RTTN: variants seen among roughly 807,000 people sequenced by gnomAD.
The protein encoded by RTTN is rotatin.
RTTN carries 182 observed loss-of-function variants against 269.2 expected under a neutral mutation model. That is an observed-to-expected ratio of 0.68 (90% CI 0.60 to 0.76). RTTN has a LOEUF of 0.76. RTTN is among the 30% of genes least tolerant of loss of function. The pLI is 0.00. For synonymous variants in RTTN, 1,006 were observed against 963.5 expected, an observed-to-expected ratio of 1.04 and a Z score of -0.82; for missense variants, 2,545 against 2,608.6, an observed-to-expected ratio of 0.98 and a Z score of 0.53.
At chr18:70,062,110 T>C (rs1285640638) in intron 35 of RTTN, among the ~76,000 whole-genome samples, 3 of 152,224 alleles carry the variant, frequency 2.0e-5, no homozygotes, top group Non-Finnish European at 4.4e-5. Context: ...TTGCCAATAG[T>C]CTGAGGACTA....
At position 70,062,869 on chromosome 18, in the gene RTTN, G is replaced by A. The variant is rs546995589; in HGVS notation, c.4748-2827C>T. On this transcript the variant is annotated intron_variant, in intron 35 of 48. Coordinates refer to ENST00000640769, the MANE Select transcript of RTTN (RefSeq NM_173630.4). ...AAAAGTTCTAGGATTATTGGTGTGAGCTGCTGTGCCCAGCCCCCTCTTTCT... is the reference window on the plus strand; with the variant it reads ...AAAAGTTCTAGGATTATTGGTGTGAACTGCTGTGCCCAGCCCCCTCTTTCT... Among the ~76,000 whole-genome samples, 25 of 152,186 alleles carry A rather than the reference G, an allele frequency of 1.6e-4. 1 individual carries two copies. In the South Asian group the frequency reaches 5.2e-3, roughly 32 times the overall value.
At chr18:70,024,915 C>T (rs181680963) in intron 43 of RTTN, 67 bp from the exon 44 acceptor site, 312 of 1,547,744 alleles carry the variant, frequency 2.0e-4, no homozygotes, top group Middle Eastern at 1.4e-3. Context: ...AAAATCAAAA[C>T]AACAACAGAA....
intron 28 of RTTN, among the ~76,000 whole-genome samples, chr18:70,096,003 T>A (rs1035415622): frequency 3.5e-4 from 53 of 152,188 alleles, no homozygotes; most frequent in African/African-American, 1.1e-3. Context: ...CTTTTGTTTT[T>A]TTTTTTTCTC....
intron 14 of RTTN, among the ~76,000 whole-genome samples, chr18:70,165,222 G>T (rs1268405675): frequency 1.3e-5 from 2 of 151,862 alleles, no homozygotes; most frequent in East Asian, 3.8e-4. Context: ...CAGTTAAGGT[G>T]AATGAACTAG....
intron 44 of RTTN, among the ~76,000 whole-genome samples, chr18:70,023,708 A>G (rs540703823): frequency 1.2e-4 from 19 of 152,098 alleles, no homozygotes; most frequent in Admixed American, 2.6e-4. Context: ...CCACCATTAT[A>G]TCTCCATGAC....
chr18:70,165,538 A>G (rs1056522897), intron 14 of RTTN, among the ~76,000 whole-genome samples: 6 of 152,102 alleles, frequency 3.9e-5, no homozygotes, highest in African/African-American at 1.4e-4. Context: ...ACAAAAGGAC[A>G]CTTTCAAGAG....
intron 34 of RTTN, among the ~76,000 whole-genome samples, chr18:70,067,260 C>T (rs1338663920): frequency 2.0e-5 from 3 of 151,416 alleles, no homozygotes; most frequent in Admixed American, 6.6e-5. Flanking sequence ...CCCGGGTTCA[C>T]GCCATTCTCC....
chr18:70,200,739 G>T (rs780327043), intron 4 of RTTN, among the ~76,000 whole-genome samples: 8 of 152,204 alleles, frequency 5.3e-5, no homozygotes, highest in Admixed American at 6.5e-5. Context: ...GTGCAGGCAA[G>T]AAAATGGTAA....
intron 25 of RTTN, among the ~76,000 whole-genome samples, chr18:70,122,228 G>C (rs1322322329): frequency 6.6e-6 from 1 of 151,786 alleles, no homozygotes; most frequent in East Asian, 1.9e-4. Flanking sequence ...CAGAGCAAAA[G>C]GATATGAGCC....
At position 70,005,488 on chromosome 18, in the gene RTTN, T is replaced by C. The variant is rs138797734; in HGVS notation, c.6526-221A>G. On this transcript the variant is annotated intron_variant, in intron 47 of 48. Coordinates refer to ENST00000640769, the MANE Select transcript of RTTN (RefSeq NM_173630.4). Reference sequence around the variant, plus strand: ...CTCTTATCTAACTTGATTCTTTCTCTATTCCCATTTTCTTTCTTCCCTTCT... The same window carrying C: ...CTCTTATCTAACTTGATTCTTTCTCCATTCCCATTTTCTTTCTTCCCTTCT... 3,810 of 382,890 alleles carry C rather than the reference T, an allele frequency of 1.0e-2. 30 individuals carry two copies. The highest frequency in any genetic ancestry group is 0.014 in the Non-Finnish European group (2,961 of 216,128). The allele number at this position is 382,890 out of a possible 1,614,324, so 23.7% of individuals were successfully genotyped here.
At chr18:70,039,104 G>A (rs974769187) in intron 40 of RTTN, among the ~76,000 whole-genome samples, 5 of 151,974 alleles carry the variant, frequency 3.3e-5, no homozygotes, top group Non-Finnish European at 5.9e-5. Context: ...AAATAGCCTC[G>A]AAAGGGCAAA....
At chr18:70,021,260 G>A (rs1355551000) in intron 44 of RTTN, 1 of 153,108 alleles carries the variant, frequency 6.5e-6, no homozygotes, top group Non-Finnish European at 1.5e-5. Flanking sequence ...ACAAAGATAT[G>A]GAGCTCAGAA....
chr18:70,018,889 C>G (rs992476186), intron 45 of RTTN, among the ~76,000 whole-genome samples: 1 of 144,002 alleles, frequency 6.9e-6, no homozygotes, highest in Non-Finnish European at 1.5e-5. Context: ...ATTTCCTACA[C>G]CAGGTAGAAT....
Position 70,003,545 on chromosome 18 carries a change from C to T in RTTN, c.*606G>A, listed in dbSNP as rs1450337640. 6.6e-6 allele frequency: 1 copy of T among 152,190 alleles called. No individual in the cohort carries two copies. The highest frequency in any genetic ancestry group is 2.4e-5 in the African/African-American group (1 of 41,444). The allele number at this position is 152,190 out of a possible 1,614,324, so 9.4% of individuals were successfully genotyped here. On this transcript the variant is annotated 3_prime_UTR_variant, in exon 49 of 49. Transcript: ENST00000640769. ...CACTAAAACTTGCCTAAGAAAGCTA[C>T]TTACAAATCATGTACATTTACTTCC...
At position 70,140,160 on chromosome 18, in the gene RTTN, CT is replaced by C. The variant is rs760720861; in HGVS notation, c.2609del (p.Lys870SerfsTer4). 3 of 1,595,714 alleles carry C rather than the reference CT, an allele frequency of 1.9e-6. No individual in the cohort carries two copies. Among genetic ancestry groups the C allele is most frequent in the Non-Finnish European group, 2.6e-6 (3 of 1,164,496 alleles). On this transcript the variant is annotated frameshift_variant, in exon 20 of 49. Transcript: ENST00000640769. LOFTEE classifies it high-confidence loss of function. ...CAATTATTTTGTCAATTAAGCATAA[CT>C]TTTTCACCACAGCATGCATTTTAAT... ...QDIKMHAVVK[K>X]LCLIDKIIEY... is the part of the protein sequence containing the mutation.
At chr18:70,027,230 C>T (rs1568260996) in intron 43 of RTTN, among the ~76,000 whole-genome samples, 1 of 152,112 alleles carries the variant, frequency 6.6e-6, no homozygotes, top group Non-Finnish European at 1.5e-5. Flanking sequence ...TATGCATATG[C>T]AAACAGCAGG....
intron 28 of RTTN, among the ~76,000 whole-genome samples, chr18:70,100,983 A>G (rs187327504): frequency 7.9e-5 from 12 of 152,242 alleles, no homozygotes; most frequent in Admixed American, 2.0e-4. Flanking sequence ...GTTTGCCAGT[A>G]TTTTATTGAG....
chr18:70,038,271 T>C (rs1346755758), intron 40 of RTTN, among the ~76,000 whole-genome samples: 1 of 152,140 alleles, frequency 6.6e-6, no homozygotes, highest in African/African-American at 2.4e-5. Flanking sequence ...TGAACACAGG[T>C]AAGCAGGTAG....
intron 40 of RTTN, among the ~76,000 whole-genome samples, chr18:70,037,611 A>G (rs1313841604): frequency 2.0e-5 from 3 of 152,212 alleles, no homozygotes; most frequent in Non-Finnish European, 4.4e-5. Context: ...ACCAGCAGCA[A>G]TATCCAGATA....
Sources: gnomAD v4.1 joint callset for allele counts (sites outside exome capture counted in the v4.1 genomes callset) on GRCh38, gnomAD v4.1.1 for gene constraint, MANE v1.5 for transcripts, NCBI Gene and HGNC (gene_info 2026-07-23, HGNC 2026-07-21) for gene names.